CGA: variants seen among roughly 807,000 people sequenced by gnomAD.
The protein encoded by CGA is glycoprotein hormones alpha chain.
CGA carries 4 observed loss-of-function variants against 12.0 expected under a neutral mutation model. The observed-to-expected ratio is 0.33, with a 90% CI of 0.16 to 0.76. CGA has a LOEUF of 0.76. Among genes scored for constraint, CGA ranks in the 30% least tolerant of loss-of-function variants. The pLI, the probability that CGA is intolerant of heterozygous loss-of-function variation, is 0.60. For missense variants in CGA, 102 were observed against 143.5 expected (o/e 0.71, Z 1.48); for synonymous variants, 60 against 56.6 (o/e 1.06, Z -0.27).
At chr6:87,092,620 GAGAAAAGAAAAA>G (rs1377200277) in intron 1 of CGA, among the ~76,000 whole-genome samples, 4 of 150,248 alleles carry the variant, frequency 2.7e-5, no homozygotes, top group Non-Finnish European at 5.9e-5. Flanking sequence ...GAAAGAGAGA[GAGAAAAGAAAAA>G]AGAAAAGAAA....
chr6:87,086,425 T>G lies in CGA; in HGVS notation c.98A>C (p.Glu33Ala). The change falls in exon 3 of 4, where the codon GAA becomes GCA. Residue 33 changes from glutamate (E) to alanine (A), a missense_variant. Glu to Ala is a moderately radical substitution (Grantham distance 107, BLOSUM62 -1). Transcript: ENST00000627148. ...GAATGGGTTTTCCTGTAGCGTGCATTCTGGGCAATCTATCAGGGAAAAAAA... is the reference window on the plus strand; with the variant it reads ...GAATGGGTTTTCCTGTAGCGTGCATGCTGGGCAATCTATCAGGGAAAAAAA... ...HSAPDVQDCP[E>A]CTLQENPFFS... The G allele has an allele frequency of 6.3e-7, 1 of 1,589,586 alleles. No individual in the cohort carries two copies.
At chr6:87,093,167 A>G (rs1173277383) in intron 1 of CGA, among the ~76,000 whole-genome samples, 1 of 152,170 alleles carries the variant, frequency 6.6e-6, no homozygotes, top group Non-Finnish European at 1.5e-5. Flanking sequence ...AATTTAAAAG[A>G]TTTGCCAAAG....
chr6:87,085,782 T>C lies in CGA; in HGVS notation c.325A>G (p.Ser109Gly), dbSNP rs1411772376. The C allele has an allele frequency of 6.2e-7, 1 of 1,612,644 alleles. No homozygotes were observed. Among genetic ancestry groups the C allele is most frequent in the Non-Finnish European group, 8.5e-7 (1 of 1,178,984 alleles). ...KVENHTACHC[S>G]TCYYHKS ...TAAGATTTGTGATAATAACAAGTACTGCAGTGGCACGCCGTGTGGTTCTCC... is the reference window on the plus strand; with the variant it reads ...TAAGATTTGTGATAATAACAAGTACCGCAGTGGCACGCCGTGTGGTTCTCC... The change falls in exon 4 of 4, where the codon AGT (serine) becomes GGT (glycine). Residue 109 changes from serine to glycine, a missense_variant. By Grantham distance (56) the Ser-to-Gly change is moderately conservative. Coordinates refer to ENST00000627148, the MANE Select transcript of CGA (RefSeq NM_000735.4).
At position 87,086,325 on chromosome 6, in the gene CGA, C is replaced by T. The variant is rs1252765123; in HGVS notation, c.198G>A (p.Arg66=). ...TTTGGACCAACATCGTCTTCTTGGA[C>T]CTTAGTGGAGTGGGATATGCTCTAG... ...CFSRAYPTPL[R]SKKTMLVQKN... is the part of the protein sequence containing the mutation. Residue 66 remains arginine, a synonymous_variant, in exon 3 of 4, where the codon AGG becomes AGA. Transcript: ENST00000627148. The T allele has an allele frequency of 2.5e-6, 4 of 1,614,066 alleles. No individual in the cohort carries two copies. The South Asian group carries it at 4.4e-5, about 18-fold the overall frequency.
intron 1 of CGA, among the ~76,000 whole-genome samples, chr6:87,090,141 T>G (rs1020858487): frequency 6.6e-6 from 1 of 152,226 alleles, no homozygotes; most frequent in Non-Finnish European, 1.5e-5. Flanking sequence ...TATATGTAAG[T>G]AATTTTGAGT....
At chr6:87,085,857 A>G (rs1413259037) in intron 3 of CGA, 24 bp from the exon 4 acceptor site, 9 of 1,432,868 alleles carry the variant, frequency 6.3e-6, no homozygotes, top group Admixed American at 3.4e-5. Flanking sequence ...AAAAAAAAAC[A>G]TATTATAGAT....
intron 1 of CGA, among the ~76,000 whole-genome samples, chr6:87,093,731 G>T (rs979991715): frequency 6.6e-6 from 1 of 152,112 alleles, no homozygotes; most frequent in Non-Finnish European, 1.5e-5. Flanking sequence ...ATGTAAATTT[G>T]GGTCTCACAT....
At chr6:87,086,038 C>T in intron 3 of CGA, 1 of 645,034 alleles carries the variant, frequency 1.6e-6, no homozygotes, top group South Asian at 2.0e-5. Context: ...TCACCTCTAC[C>T]CCTATTCTCC....
chr6:87,093,276 T>C (rs900688935), intron 1 of CGA, among the ~76,000 whole-genome samples: 15 of 152,322 alleles, frequency 9.8e-5, no homozygotes, highest in African/African-American at 3.6e-4. Context: ...CCTTTATAAC[T>C]TGGAGTCACA....
intron 2 of CGA, chr6:87,087,813 T>G (rs986630228): frequency 2.5e-5 from 5 of 198,606 alleles, no homozygotes; most frequent in African/African-American, 1.2e-4. Flanking sequence ...AAAAAATAAC[T>G]GAGCTAACTG....
At chr6:87,086,191 C>T (rs1295865324) in intron 3 of CGA, 59 bp downstream of exon 3, 1 of 1,480,686 alleles carries the variant, frequency 6.8e-7, no homozygotes, top group Non-Finnish European at 9.2e-7. Flanking sequence ...TGGGTGGGCT[C>T]TATGAACATT....
At position 87,091,184 on chromosome 6, in the gene CGA, G is replaced by T. The variant is rs111334858; in HGVS notation, c.-7-2977C>A. Among the ~76,000 whole-genome samples the T allele has an allele frequency of 3.5e-3, 527 of 152,280 alleles. 1 individual carries two copies. Among genetic ancestry groups the T allele is most frequent in the African/African-American group, 8.7e-3 (363 of 41,560 alleles). On this transcript the variant is annotated intron_variant, in intron 1 of 3. Coordinates refer to ENST00000627148, the MANE Select transcript of CGA (RefSeq NM_000735.4). ...TATAATAAGATTTGAGAATGTGAAA[G>T]CATGAAGTCAATGCGCATTTTAGAA...
chr6:87,093,667 A>G (rs955410533), intron 1 of CGA, among the ~76,000 whole-genome samples: 2 of 152,368 alleles, frequency 1.3e-5, no homozygotes, highest in African/African-American at 4.8e-5. Flanking sequence ...AGCAAGACGT[A>G]CATTACCTTC....
chr6:87,085,900 G>A (rs2127753843), intron 3 of CGA, 67 bp from the exon 4 acceptor site: 1 of 1,069,516 alleles, frequency 9.4e-7, no homozygotes, highest in Non-Finnish European at 1.4e-6. Context: ...AGACAAAATT[G>A]AAGAATATTA....
chr6:87,088,534 C>A (rs1361580278), intron 1 of CGA, among the ~76,000 whole-genome samples: 1 of 151,868 alleles, frequency 6.6e-6, no homozygotes, highest in African/African-American at 2.4e-5. Context: ...TAAGAAGCCT[C>A]AATGTCCTTA....
chr6:87,093,940 A>G (rs2127755942), intron 1 of CGA, among the ~76,000 whole-genome samples: 1 of 152,304 alleles, frequency 6.6e-6, no homozygotes. Context: ...AAAACCACGA[A>G]CCTTTTATAA....
At chr6:87,086,552 G>A in intron 2 of CGA, 118 bp from the exon 3 acceptor site, 4 of 919,746 alleles carry the variant, frequency 4.3e-6, no homozygotes, top group East Asian at 2.6e-5. Flanking sequence ...CTTAGTGGGT[G>A]GATTGCTTGA....
chr6:87,092,379 A>C (rs1025432914), intron 1 of CGA, among the ~76,000 whole-genome samples: 1 of 152,044 alleles, frequency 6.6e-6, no homozygotes, highest in Admixed American at 6.6e-5. Flanking sequence ...CCCTTAACTG[A>C]CCTGGCAGTT....
intron 1 of CGA, chr6:87,089,036 T>C (rs1254556495): frequency 2.3e-4 from 35 of 152,222 alleles, no homozygotes; most frequent in Admixed American, 2.3e-3. Flanking sequence ...AATGATGGTA[T>C]AGCCATACCA....
Sources: allele counts gnomAD v4.1 joint callset (sites outside exome capture counted in the v4.1 genomes callset), GRCh38; gene constraint gnomAD v4.1.1; transcripts MANE v1.5; gene names NCBI Gene and HGNC (gene_info 2026-07-23, HGNC 2026-07-21).